Variants in TMED1 observed in about 807,000 individuals in gnomAD.
TMED1 encodes transmembrane p24 trafficking protein 1.
Under a neutral mutation model 21.2 loss-of-function variants are expected in TMED1, and 20 were observed. The observed-to-expected ratio is 0.95, with a 90% CI of 0.67 to 1.37. The LOEUF is 1.37. TMED1 is among the 40% of genes most tolerant of loss of function. TMED1 has a pLI of 0.00. For synonymous variants in TMED1, 149 were observed against 134.7 expected (o/e 1.11, Z -0.74); for missense variants, 316 against 309.8 (o/e 1.02, Z -0.15).
intron 2 of TMED1, 47 bp from the exon 3 acceptor site, chr19:10,835,164 G>C: frequency 6.2e-7 from 1 of 1,610,180 alleles, no homozygotes; most frequent in Non-Finnish European, 8.5e-7. Context: ...CCAGCCAGCC[G>C]ACTCAGCGGG....
intron 1 of TMED1, 195 bp downstream of exon 1, chr19:10,835,814 C>T (rs1297531207): frequency 1.0e-6 from 1 of 983,800 alleles, no homozygotes; most frequent in African/African-American, 1.8e-5. Context: ...ACTCTAGCCC[C>T]GCCTGCTTCA....
At chr19:10,834,454 CTT>C (rs769963664) in intron 3 of TMED1, among the ~76,000 whole-genome samples, 3 of 119,642 alleles carry the variant, frequency 2.5e-5, no homozygotes, top group South Asian at 5.6e-4. Flanking sequence ...AAATGAACTA[CTT>C]TTTTTTTTTT....
At position 10,836,015 on chromosome 19, in the gene TMED1, T is replaced by C. The variant is rs761111908; in HGVS notation, c.177A>G (p.Glu59=). ...CCAGCCCGCGACCCTCTACCTGGTATTCGGTCTCGAGGCTTGCGTTGGCCG... is the reference window on the plus strand; with the variant it reads ...CCAGCCCGCGACCCTCTACCTGGTACTCGGTCTCGAGGCTTGCGTTGGCCG... ...SAPANASLET[E]YQVIGGAGLD... is the part of the protein sequence containing the mutation. Residue 59 remains glutamate, a synonymous_variant, in exon 1 of 4, where the codon GAA becomes GAG. Transcript: ENST00000214869. 1 of 1,593,068 alleles carries C rather than the reference T, an allele frequency of 6.3e-7. No individual in the cohort carries two copies. Among genetic ancestry groups the C allele is most frequent in the Admixed American group, 1.7e-5 (1 of 57,428 alleles).
At chr19:10,835,179 T>C in intron 2 of TMED1, 62 bp from the exon 3 acceptor site, 5 of 1,611,404 alleles carry the variant, frequency 3.1e-6, no homozygotes, top group Non-Finnish European at 4.2e-6. Context: ...AGCGGGGCAG[T>C]CAGGGCGGTA....
intron 1 of TMED1, 115 bp downstream of exon 1, chr19:10,835,894 C>T: frequency 7.0e-7 from 1 of 1,436,598 alleles, no homozygotes; most frequent in Non-Finnish European, 9.1e-7. Flanking sequence ...AGCTCCGCCC[C>T]CGCGCTCCCA....
Position 10,832,897 on chromosome 19 carries a change from T to A in TMED1, c.*98A>T, listed in dbSNP as rs771610972. ...CGCAGGCCCTGACTGCACACTCCCGTTTTGGCAGGAAACTAAAATTGGGGA... is the reference window on the plus strand; with the variant it reads ...CGCAGGCCCTGACTGCACACTCCCGATTTGGCAGGAAACTAAAATTGGGGA... On this transcript the variant is annotated 3_prime_UTR_variant, in exon 4 of 4. Coordinates refer to ENST00000214869, the MANE Select transcript of TMED1 (RefSeq NM_006858.4). 20 of 1,417,120 alleles carry A rather than the reference T, an allele frequency of 1.4e-5. No individual in the cohort carries two copies. The Admixed American group carries it at 3.8e-4, about 27-fold the overall frequency. The allele number at this position is 1,417,120 out of a possible 1,614,324, so 87.8% of individuals were successfully genotyped here.
At chr19:10,835,385 A>G in intron 1 of TMED1, 32 bp from the exon 2 acceptor site, 1 of 1,612,208 alleles carries the variant, frequency 6.2e-7, no homozygotes, top group Non-Finnish European at 8.5e-7. Context: ...GTGGAGGGCT[A>G]GCGGTAGGCC....
chr19:10,833,281 C>A, intron 3 of TMED1, 68 bp from the exon 4 acceptor site: 2 of 1,361,014 alleles, frequency 1.5e-6, no homozygotes, highest in Non-Finnish European at 2.0e-6. Flanking sequence ...ACCAAAAAAA[C>A]CGGGGGATAC....
rs2073373693 is a variant in TMED1, at chr19:10,832,768, T to C, written c.*227A>G. On this transcript the variant is annotated 3_prime_UTR_variant, in exon 4 of 4. Transcript: ENST00000214869. ...CGTTCCAACGCTGCAGTGCCCACCATGTGAGATTTCCAGGACCGTCGGTGC... is the reference window on the plus strand; with the variant it reads ...CGTTCCAACGCTGCAGTGCCCACCACGTGAGATTTCCAGGACCGTCGGTGC... 3.3e-6 allele frequency: 2 copies of C among 606,482 alleles called. No homozygotes were observed. The highest frequency in any genetic ancestry group is 1.9e-5 in the African/African-American group (1 of 53,942). 37.6% of individuals were successfully genotyped at this position (606,482 alleles called of 1,614,324 possible). A position where few individuals can be genotyped will look rare whatever the true frequency, so the allele number is the denominator to read the frequency against.
chr19:10,834,888 ATC>A, intron 3 of TMED1, 44 bp downstream of exon 3: 1 of 1,589,722 alleles, frequency 6.3e-7, no homozygotes, highest in Middle Eastern at 1.7e-4. Flanking sequence ...CCCCAGGTGA[ATC>A]CTAGAGATCT....
In TMED1 at chr19:10,833,061, C is replaced by CA. The variant is rs1233244060; in HGVS notation, c.617dup (p.Val207GlyfsTer68). The CA allele has an allele frequency of 7.4e-6, 12 of 1,613,850 alleles. No individual in the cohort carries two copies. The highest frequency in any genetic ancestry group is 1.3e-5 in the African/African-American group (1 of 74,954). On this transcript the variant is annotated frameshift_variant, in exon 4 of 4. Transcript: ENST00000214869. LOFTEE classifies it high-confidence loss of function. ...GCGTGCAGACCTGCAGCACAGCCAC[C>CA]AGCAGCAGCACCGCCACGTTGACAG...
At chr19:10,835,199 C>T in intron 2 of TMED1, 57 bp downstream of exon 2, 3 of 1,612,270 alleles carry the variant, frequency 1.9e-6, no homozygotes, top group East Asian at 2.2e-5. Flanking sequence ...AACCTGAGGC[C>T]GCCTGGGAAG....
intron 1 of TMED1, 195 bp from the exon 2 acceptor site, chr19:10,835,548 G>T (rs1254963351): frequency 6.9e-7 from 1 of 1,442,890 alleles, no homozygotes; most frequent in Non-Finnish European, 9.1e-7. Context: ...GACAGCTTGG[G>T]GTCCATACTT....
chr19:10,832,673 C>T lies in TMED1; in HGVS notation c.*322G>A, dbSNP rs2073372300. 5.1e-6 allele frequency: 3 copies of T among 583,248 alleles called. No homozygotes were observed. The highest frequency in any genetic ancestry group is 9.1e-6 in the Non-Finnish European group (3 of 328,194). The allele number at this position is 583,248 out of a possible 1,614,324, so 36.1% of individuals were successfully genotyped here. A position where few individuals can be genotyped will look rare whatever the true frequency, so the allele number is the denominator to read the frequency against. On this transcript the variant is annotated 3_prime_UTR_variant, in exon 4 of 4. Transcript: ENST00000214869. Reference sequence around the variant, plus strand: ...TTAGGCCCTGCCCCGCACCAGGCAACGCTAACACAGGATGGGAGGCTTAGG... The same window carrying T: ...TTAGGCCCTGCCCCGCACCAGGCAATGCTAACACAGGATGGGAGGCTTAGG...
chr19:10,833,456 T>C (rs1364090743), intron 3 of TMED1: 1 of 571,066 alleles, frequency 1.8e-6, no homozygotes, highest in South Asian at 2.1e-5. Flanking sequence ...GCTGTGAACA[T>C]TTAATGCCTA....
intron 3 of TMED1, among the ~76,000 whole-genome samples, chr19:10,834,234 T>C (rs1299778872): frequency 6.6e-6 from 1 of 152,204 alleles, no homozygotes; most frequent in Non-Finnish European, 1.5e-5. Context: ...AAGAGCATAG[T>C]TGCTGAAACC....
chr19:10,835,596 C>T, intron 1 of TMED1: 3 of 1,419,210 alleles, frequency 2.1e-6, no homozygotes, highest in Non-Finnish European at 2.8e-6. Flanking sequence ...ACTTAATGGA[C>T]GTTTACCTGA....
chr19:10,833,323 A>G (rs1327409943), intron 3 of TMED1, 110 bp from the exon 4 acceptor site: 1 of 862,744 alleles, frequency 1.2e-6, no homozygotes, highest in South Asian at 1.6e-5. Context: ...TGGGAGGTAC[A>G]GCTGCAAACA....
rs1326131634 is a variant in TMED1, at chr19:10,832,333, C to T, written c.*662G>A. 1 of 1,289,874 alleles carries T rather than the reference C, an allele frequency of 7.8e-7. No homozygotes were observed. Among genetic ancestry groups the T allele is most frequent in the South Asian group, 1.2e-5 (1 of 81,032 alleles). 79.9% of individuals were successfully genotyped at this position (1,289,874 alleles called of 1,614,324 possible). On this transcript the variant is annotated 3_prime_UTR_variant, in exon 4 of 4. Transcript: ENST00000214869. ...CCACCTCCATCGGCTCCCGCACGAC[C>T]TTTCTTCTGAGCTTCGTGGGAGGCC...
Sources: allele counts gnomAD v4.1 joint callset (sites outside exome capture counted in the v4.1 genomes callset), GRCh38; gene constraint gnomAD v4.1.1; transcripts MANE v1.5; gene names NCBI Gene and HGNC (gene_info 2026-07-23, HGNC 2026-07-21).